The following THRB variants were observed in gnomAD, a reference collection of about 807,000 sequenced individuals.
The protein encoded by THRB is nuclear receptor subfamily 1 group A member 2.
Under a neutral mutation model 47.8 loss-of-function variants are expected in THRB, and 12 were observed. The ratio of observed to expected loss-of-function variants is 0.25; its 90% CI spans 0.16 to 0.41. The LOEUF is 0.41. THRB is among the 10% of genes least tolerant of loss of function. The pLI is 1.00. For missense variants in THRB, 348 were observed against 589.2 expected (o/e 0.59, Z 4.24); for synonymous variants, 218 against 212.2 (o/e 1.03, Z -0.24).
chr3:24,331,577 A>G (rs1244437976), intron 2 of THRB, among the ~76,000 whole-genome samples: 2 of 152,158 alleles, frequency 1.3e-5, no homozygotes, highest in African/African-American at 4.8e-5. Context: ...ATGGAGCCCT[A>G]GAAAAGTTTT....
chr3:24,394,939 C>T (rs913156485), intron 1 of THRB, among the ~76,000 whole-genome samples: 1 of 152,082 alleles, frequency 6.6e-6, no homozygotes, highest in Admixed American at 6.6e-5. Context: ...GACACTCTGG[C>T]AGAGAGCAGA....
intron 5 of THRB, among the ~76,000 whole-genome samples, chr3:24,174,217 GAAGTGGC>G (rs1366664460): frequency 6.6e-6 from 1 of 152,050 alleles, no homozygotes; most frequent in Non-Finnish European, 1.5e-5. Context: ...CTATTTGTCT[GAAGTGGC>G]ACAATGGTAA....
chr3:24,316,818 A>AC (rs1183855169), intron 2 of THRB, among the ~76,000 whole-genome samples: 3 of 150,716 alleles, frequency 2.0e-5, no homozygotes, highest in African/African-American at 7.3e-5. Context: ...AACATCCTCC[A>AC]CCCCCCAGAA....
At chr3:24,273,985 A>T (rs1208037311) in intron 3 of THRB, among the ~76,000 whole-genome samples, 1 of 152,156 alleles carries the variant, frequency 6.6e-6, no homozygotes, top group African/African-American at 2.4e-5. Context: ...GATAGCATAA[A>T]TATTGGTTTG....
intron 1 of THRB, among the ~76,000 whole-genome samples, chr3:24,452,861 G>A (rs985168846): frequency 6.6e-6 from 1 of 152,100 alleles, no homozygotes; most frequent in Admixed American, 6.5e-5. Flanking sequence ...TCCAGGACAA[G>A]GTTAAATTAT....
At chr3:24,368,852 T>C (rs1229207533) in intron 1 of THRB, among the ~76,000 whole-genome samples, 2 of 152,188 alleles carry the variant, frequency 1.3e-5, no homozygotes, top group East Asian at 1.9e-4. Context: ...TTACTCAGCA[T>C]TGTAGACCAG....
At chr3:24,304,055 A>G (rs875547) in intron 2 of THRB, among the ~76,000 whole-genome samples, 19,193 of 144,364 alleles carry the variant, frequency 0.13, 1,316 homozygotes, top group East Asian at 0.21. Context: ...ATTTTTTTTT[A>G]GTCTGTATTT....
chr3:24,169,708 A>G (rs1162068706), intron 5 of THRB, among the ~76,000 whole-genome samples: 1 of 148,548 alleles, frequency 6.7e-6, no homozygotes, highest in Non-Finnish European at 1.5e-5. Flanking sequence ...ATTATAATAT[A>G]TATCTCTTAG....
chr3:24,162,241 A>G (rs1275869310), intron 5 of THRB, among the ~76,000 whole-genome samples: 1 of 151,968 alleles, frequency 6.6e-6, no homozygotes, highest in Non-Finnish European at 1.5e-5. Flanking sequence ...AACCTCAGCC[A>G]CAGAGCAGAA....
intron 8 of THRB, among the ~76,000 whole-genome samples, chr3:24,134,121 T>C (rs2034288725): frequency 6.6e-6 from 1 of 152,164 alleles, no homozygotes; most frequent in East Asian, 1.9e-4. Context: ...GTTTACTTGC[T>C]CAAGAACAAT....
chr3:24,225,787 CA>C lies in THRB; in HGVS notation c.22+3150del, dbSNP rs374861757. Among the ~76,000 whole-genome samples the C allele has an allele frequency of 3.4e-4, 52 of 152,270 alleles. No homozygotes were observed. The East Asian group carries it at 9.6e-3, about 28-fold the overall frequency. On this transcript the variant is annotated intron_variant, in intron 4 of 10. Coordinates refer to ENST00000646209, the MANE Select transcript of THRB (RefSeq NM_001354712.2). Reference sequence around the variant, plus strand: ...CTAGGAAGTGATGCTTAATTCCAGACAGATAAAATATTGTATCAAGGTACTT... The same window carrying C: ...CTAGGAAGTGATGCTTAATTCCAGACGATAAAATATTGTATCAAGGTACTT...
At chr3:24,157,524 A>AT (rs1024243447) in intron 5 of THRB, among the ~76,000 whole-genome samples, 12 of 151,892 alleles carry the variant, frequency 7.9e-5, no homozygotes, top group African/African-American at 2.4e-4. Flanking sequence ...TTAAATTACA[A>AT]TTTTTTTTAA....
intron 1 of THRB, among the ~76,000 whole-genome samples, chr3:24,450,325 C>T (rs1206850916): frequency 3.3e-5 from 5 of 152,162 alleles, no homozygotes; most frequent in Non-Finnish European, 7.3e-5. Context: ...GCACGATTTA[C>T]AGTAGACCTC....
At chr3:24,278,835 T>C (rs1409670522) in intron 3 of THRB, among the ~76,000 whole-genome samples, 1 of 152,140 alleles carries the variant, frequency 6.6e-6, no homozygotes, top group Non-Finnish European at 1.5e-5. Context: ...ACATTTATAT[T>C]ACATTTATTT....
intron 1 of THRB, among the ~76,000 whole-genome samples, chr3:24,361,287 T>C (rs1011095007): frequency 2.0e-5 from 3 of 152,164 alleles, no homozygotes; most frequent in Non-Finnish European, 4.4e-5. Flanking sequence ...CCACTACTGC[T>C]GCTTTGGAAA....
intron 8 of THRB, among the ~76,000 whole-genome samples, chr3:24,142,241 C>T (rs750236838): frequency 6.6e-6 from 1 of 152,176 alleles, no homozygotes; most frequent in Admixed American, 6.5e-5. Flanking sequence ...CATCTACCTA[C>T]AGGATTGGTA....
At chr3:24,149,079 G>C (rs990081878) in intron 6 of THRB, among the ~76,000 whole-genome samples, 11 of 152,182 alleles carry the variant, frequency 7.2e-5, no homozygotes, top group Admixed American at 2.6e-4. Context: ...ATGAATGTCA[G>C]AGCATGCCAT....
At chr3:24,284,776 T>C (rs889186104) in intron 3 of THRB, among the ~76,000 whole-genome samples, 2 of 150,372 alleles carry the variant, frequency 1.3e-5, no homozygotes, top group Non-Finnish European at 2.9e-5. Flanking sequence ...GCAGAGGACA[T>C]GAACAGACAC....
intron 1 of THRB, among the ~76,000 whole-genome samples, chr3:24,468,009 A>G (rs750339050): frequency 6.6e-5 from 10 of 152,208 alleles, no homozygotes; most frequent in Non-Finnish European, 1.3e-4. Flanking sequence ...AGCTATTTTC[A>G]TCAATTATCT....
Sources: allele counts gnomAD v4.1 joint callset (sites outside exome capture counted in the v4.1 genomes callset), GRCh38; gene constraint gnomAD v4.1.1; transcripts MANE v1.5; gene names NCBI Gene and HGNC (gene_info 2026-07-23, HGNC 2026-07-21).